The following ATP2B4 variants were observed in gnomAD, a reference collection of about 807,000 sequenced individuals.
The protein encoded by ATP2B4 is ATPase plasma membrane Ca2+ transporting 4.
ATP2B4 carries 39 observed loss-of-function variants against 110.3 expected under a neutral mutation model. The observed-to-expected ratio is 0.35, with a 90% CI of 0.27 to 0.46. ATP2B4 has a LOEUF of 0.46. Ranked by LOEUF, ATP2B4 falls within the 20% of genes least tolerant of loss-of-function variation. ATP2B4 has a pLI of 1.00. For missense variants in ATP2B4, 1,135 were observed against 1,530.9 expected (o/e 0.74, Z 4.32); for synonymous variants, 538 against 571.7 (o/e 0.94, Z 0.84).
At chr1:203,690,700 C>T (rs1421871115) in intron 2 of ATP2B4, among the ~76,000 whole-genome samples, 2 of 152,164 alleles carry the variant, frequency 1.3e-5, no homozygotes, top group Non-Finnish European at 2.9e-5. Flanking sequence ...TGCCCTGTAG[C>T]CATCATCTCT....
chr1:203,672,606 C>T (rs1328021648), intron 1 of ATP2B4, among the ~76,000 whole-genome samples: 2 of 152,030 alleles, frequency 1.3e-5, no homozygotes, highest in Non-Finnish European at 2.9e-5. Context: ...AGGCGGTGAG[C>T]CTGGTGCTTC....
chr1:203,645,686 G>A (rs1057305636), intron 1 of ATP2B4, among the ~76,000 whole-genome samples: 7 of 151,652 alleles, frequency 4.6e-5, no homozygotes, highest in South Asian at 2.1e-4. Flanking sequence ...CGCCTCCTGG[G>A]TTCAAGCGAT....
chr1:203,679,331 T>C (rs1290038870), intron 1 of ATP2B4, among the ~76,000 whole-genome samples: 3 of 152,186 alleles, frequency 2.0e-5, no homozygotes, highest in Admixed American at 6.5e-5. Context: ...CGTCATGATA[T>C]GTTTCCTAGT....
intron 2 of ATP2B4, among the ~76,000 whole-genome samples, chr1:203,695,291 G>A (rs569290505): frequency 2.0e-5 from 3 of 152,300 alleles, no homozygotes; most frequent in Admixed American, 1.3e-4. Context: ...CTGGTCCCTG[G>A]GGAGAAAGGA....
Position 203,722,575 on chromosome 1 carries a change from G to A in ATP2B4, c.2910G>A (p.Met970Ile), listed in dbSNP as rs1401069227. Residue 970 changes from methionine (M) to isoleucine (I), a missense_variant, in exon 18 of 21, where the codon ATG becomes ATA. Physicochemically the swap from Met to Ile is conservative, Grantham distance 10 (BLOSUM62 1). Around this residue, in one of 9 missense-constraint regions of ATP2B4, gnomAD observed 155 missense variants for 186.2 expected, o/e 0.83. Coordinates refer to ENST00000357681, the MANE Select transcript of ATP2B4 (RefSeq NM_001684.5). ...YTIVFNTFVL[M>I]QLFNEINSRK... The stretch of plus-strand genomic sequence containing the variant: ...TTGTTTTTAACACCTTCGTGCTGAT[G>A]CAGCTCTTCAATGAAATCAACTCCC... 1 of 1,614,198 alleles carries A rather than the reference G, an allele frequency of 6.2e-7. No individual in the cohort carries two copies. Among genetic ancestry groups the A allele is most frequent in the Non-Finnish European group, 8.5e-7 (1 of 1,180,016 alleles).
intron 1 of ATP2B4, among the ~76,000 whole-genome samples, chr1:203,665,175 C>T (rs143289144): frequency 6.6e-6 from 1 of 152,330 alleles, no homozygotes; most frequent in African/African-American, 2.4e-5. Flanking sequence ...GAGCAAGGCC[C>T]ATCTGGCAAA....
At position 203,657,757 on chromosome 1, in the gene ATP2B4, G is replaced by T. The variant is rs1664206256; in HGVS notation, c.-464-24985G>T. The T allele has an allele frequency of 2.7e-5, 18 of 678,756 alleles. 1 individual carries two copies. The South Asian group carries it at 3.1e-4, about 12-fold the overall frequency. The allele number at this position is 678,756 out of a possible 1,614,324, so 42.0% of individuals were successfully genotyped here. A position where few individuals can be genotyped will look rare whatever the true frequency, so the allele number is the denominator to read the frequency against. The stretch of plus-strand genomic sequence containing the variant: ...TGTAATTCAATATATTCGTTCTGTG[G>T]CATGGTGACAGGCGCAGAACCACCA... On this transcript the variant is annotated intron_variant, in intron 1 of 20. Coordinates refer to ENST00000357681, the MANE Select transcript of ATP2B4 (RefSeq NM_001684.5).
intron 11 of ATP2B4, among the ~76,000 whole-genome samples, chr1:203,709,913 C>T (rs1441353806): frequency 6.6e-6 from 1 of 152,214 alleles, no homozygotes; most frequent in Non-Finnish European, 1.5e-5. Flanking sequence ...TAGCCATACT[C>T]AGCTCCTAAA....
chr1:203,633,377 TG>T (rs1413489265), intron 1 of ATP2B4, among the ~76,000 whole-genome samples: 2 of 152,204 alleles, frequency 1.3e-5, no homozygotes, highest in Non-Finnish European at 2.9e-5. Context: ...GGAGGATCGC[TG>T]GAGCCCAGGC....
chr1:203,680,514 C>G (rs1321715951), intron 1 of ATP2B4, among the ~76,000 whole-genome samples: 4 of 151,320 alleles, frequency 2.6e-5, no homozygotes, highest in Admixed American at 6.6e-5. Flanking sequence ...GAGGCTGAGG[C>G]AGGAGAATGG....
chr1:203,635,214 T>C (rs1351500754), intron 1 of ATP2B4, among the ~76,000 whole-genome samples: 1 of 152,116 alleles, frequency 6.6e-6, no homozygotes, highest in Non-Finnish European at 1.5e-5. Flanking sequence ...CCTCAGGTGA[T>C]CCACCCTCCT....
chr1:203,652,437 T>A (rs1664027847), intron 1 of ATP2B4, among the ~76,000 whole-genome samples: 1 of 152,146 alleles, frequency 6.6e-6, no homozygotes, highest in Non-Finnish European at 1.5e-5. Flanking sequence ...TGAGCCACTA[T>A]GCGAGGCCTA....
At chr1:203,717,616 A>G (rs1316345219) in intron 15 of ATP2B4, among the ~76,000 whole-genome samples, 1 of 106,504 alleles carries the variant, frequency 9.4e-6, no homozygotes, top group Non-Finnish European at 2.1e-5. Flanking sequence ...TTAATGTGAA[A>G]TGGTATTTAT....
intron 11 of ATP2B4, 23 bp from the exon 12 acceptor site, chr1:203,710,854 G>A (rs370268033): frequency 3.2e-5 from 50 of 1,562,182 alleles, no homozygotes; most frequent in African/African-American, 1.2e-4. Context: ...GAGACACCGC[G>A]TTCTTACTGT....
chr1:203,723,424 C>CTT lies in ATP2B4; in HGVS notation c.3025-456_3025-455insTT, dbSNP rs1558052407. Among the ~76,000 whole-genome samples the CTT allele has an allele frequency of 6.5e-4, 66 of 102,160 alleles. 1 individual carries two copies. Among genetic ancestry groups the CTT allele is most frequent in the Non-Finnish European group, 1.2e-3 (57 of 49,096 alleles). The allele number at this position is 102,160 out of a possible 152,430, so 67.0% of individuals were successfully genotyped here. On this transcript the variant is annotated intron_variant, in intron 18 of 20. Transcript: ENST00000357681. Reference sequence around the variant, plus strand: ...TTTTTTTCGTTTGAGACAGATATCTCTCTCTCTCTCTCTCTCTCTCTCTCT... The same window carrying CTT: ...TTTTTTTCGTTTGAGACAGATATCTCTTTCTCTCTCTCTCTCTCTCTCTCTCT...
chr1:203,657,790 C>A lies in ATP2B4; in HGVS notation c.-464-24952C>A. 2 of 595,486 alleles carry A rather than the reference C, an allele frequency of 3.4e-6. 1 individual carries two copies. The highest frequency in any genetic ancestry group is 6.0e-6 in the Non-Finnish European group (2 of 333,228). The allele number at this position is 595,486 out of a possible 1,614,324, so 36.9% of individuals were successfully genotyped here. ...ACAGGCGCAGAACCACCAGGAGTAG[C>A]CCCTGAGGTGCGAAAACACTCTCAA... On this transcript the variant is annotated intron_variant, in intron 1 of 20. Coordinates refer to ENST00000357681, the MANE Select transcript of ATP2B4 (RefSeq NM_001684.5).
chr1:203,700,338 G>T lies in ATP2B4; in HGVS notation c.775+7G>T, dbSNP rs1481975121. ...GACCCCATGTTGCTCTCAGGTATAGGCCCTGGCTGCCCAAGTTCCCATTTA... is the reference window on the plus strand; with the variant it reads ...GACCCCATGTTGCTCTCAGGTATAGTCCCTGGCTGCCCAAGTTCCCATTTA... On this transcript the variant is annotated splice_region_variant and intron_variant, in intron 5 of 20. Coordinates refer to ENST00000357681, the MANE Select transcript of ATP2B4 (RefSeq NM_001684.5). The T allele has an allele frequency of 8.1e-6, 13 of 1,606,780 alleles. No individual in the cohort carries two copies. The highest frequency in any genetic ancestry group is 1.3e-5 in the African/African-American group (1 of 74,594).
At chr1:203,707,401 G>A (rs969127284) in intron 9 of ATP2B4, among the ~76,000 whole-genome samples, 178 bp downstream of exon 9, 11 of 151,934 alleles carry the variant, frequency 7.2e-5, no homozygotes, top group Admixed American at 7.2e-4. Context: ...CATCAATGTT[G>A]AAATGACCCA....
At chr1:203,721,524 C>A in intron 17 of ATP2B4, 114 bp downstream of exon 17, 2 of 1,043,502 alleles carry the variant, frequency 1.9e-6, no homozygotes, top group Non-Finnish European at 2.8e-6. Flanking sequence ...GCTTCACCTC[C>A]CAGTGCTTGC....
Sources: gnomAD v4.1 joint callset for allele counts (sites outside exome capture counted in the v4.1 genomes callset) on GRCh38, gnomAD v4.1.1 for gene constraint, gnomAD v4.1.1 regional missense constraint, MANE v1.5 for transcripts, NCBI Gene and HGNC (gene_info 2026-07-23, HGNC 2026-07-21) for gene names.